The following SMIM36 variants were observed in gnomAD, a reference collection of about 807,000 sequenced individuals.
SMIM36 encodes the protein small integral membrane protein 36.
chr17:55,499,889 A>G (rs529158915), intron 1 of SMIM36, among the ~76,000 whole-genome samples: 5 of 151,800 alleles, frequency 3.3e-5, no homozygotes, highest in African/African-American at 9.7e-5. Context: ...AGCTATATTT[A>G]AAAATAAGAC....
Position 55,466,283 on chromosome 17 carries a change from A to C in SMIM36, c.*531+862T>G, listed in dbSNP as rs796610368. On this transcript the variant is annotated intron_variant, in intron 4 of 4. Transcript: ENST00000636752. ...CAAGATCAAGACTCCGTCTCAAAAA[A>C]AAAAAAAAAAAAAAAAAAAGAAAGT... 1.0e-3 allele frequency among the ~76,000 whole-genome samples: 147 copies of C among 145,148 alleles called. 1 individual carries two copies. The highest frequency in any genetic ancestry group is 3.9e-3 in the African/African-American group (140 of 35,964).
At chr17:55,491,212 C>T (rs529594928) in intron 1 of SMIM36, among the ~76,000 whole-genome samples, 11 of 132,220 alleles carry the variant, frequency 8.3e-5, no homozygotes, top group African/African-American at 1.5e-4. Flanking sequence ...ATTGCACTTT[C>T]GCTTAGGTGA....
chr17:55,496,949 C>G (rs1165691930), intron 1 of SMIM36, among the ~76,000 whole-genome samples: 1 of 152,158 alleles, frequency 6.6e-6, no homozygotes, highest in African/African-American at 2.4e-5. Context: ...AACGGTTCCT[C>G]CTCTTACAAA....
intron 1 of SMIM36, among the ~76,000 whole-genome samples, chr17:55,496,034 C>T (rs1239207214): frequency 6.6e-6 from 1 of 152,108 alleles, no homozygotes; most frequent in African/African-American, 2.4e-5. Flanking sequence ...CTCCAAAATT[C>T]TATAATCATT....
the SMIM36 span, among the ~76,000 whole-genome samples, chr17:55,530,777 C>T: frequency 6.9e-5 from 10 of 145,596 alleles, no homozygotes; most frequent in African/African-American, 2.2e-4. Flanking sequence ...AGCTAGACTC[C>T]GCCTCAAAAA....
At chr17:55,521,290 AG>A in the SMIM36 span, among the ~76,000 whole-genome samples, 1 of 152,256 alleles carries the variant, frequency 6.6e-6, no homozygotes, top group South Asian at 2.1e-4. Flanking sequence ...AGAGTTTTGT[AG>A]CTTGCTTTTG....
chr17:55,462,472 G>A (rs1195280104), intron 4 of SMIM36, among the ~76,000 whole-genome samples: 2 of 152,136 alleles, frequency 1.3e-5, no homozygotes, highest in Non-Finnish European at 2.9e-5. Context: ...TTAGCCAGGT[G>A]GCATGTGCCT....
Position 55,481,040 on chromosome 17 carries a change from TTCTC to T in SMIM36, c.*175-1464_*175-1461del, listed in dbSNP as rs566709022. ...CACATACATATATACATTCTCTTTA[TTCTC>T]TCTCTCTGTCTCTTTCTGTCTCTGT... On this transcript the variant is annotated intron_variant, in intron 1 of 4. Coordinates refer to ENST00000636752, the Ensembl canonical transcript of SMIM36. 4.2e-3 allele frequency among the ~76,000 whole-genome samples: 640 copies of T among 152,134 alleles called. 16 individuals are homozygous for T. Among genetic ancestry groups the T allele is most frequent in the Admixed American group, 0.04 (604 of 15,248 alleles).
chr17:55,462,353 G>A (rs1909160690), intron 4 of SMIM36, among the ~76,000 whole-genome samples: 1 of 152,198 alleles, frequency 6.6e-6, no homozygotes. Context: ...GCTTATGCCT[G>A]TAATCTCAGC....
chr17:55,477,394 A>G (rs1909442708), intron 3 of SMIM36, among the ~76,000 whole-genome samples: 1 of 152,122 alleles, frequency 6.6e-6, no homozygotes, highest in African/African-American at 2.4e-5. Context: ...GCATCATTCC[A>G]GACACATGGC....
chr17:55,499,270 T>C (rs1272830382), intron 1 of SMIM36, among the ~76,000 whole-genome samples: 1 of 152,136 alleles, frequency 6.6e-6, no homozygotes, highest in South Asian at 2.1e-4. Context: ...TTCCTAGGCA[T>C]GCAATTCTAG....
chr17:55,488,594 A>G (rs1453513386), intron 1 of SMIM36, among the ~76,000 whole-genome samples: 1 of 152,326 alleles, frequency 6.6e-6, no homozygotes, highest in African/African-American at 2.4e-5. Context: ...GCCTATTACA[A>G]TATCAGTATA....
At chr17:55,460,880 C>A (rs924097959) in intron 4 of SMIM36, among the ~76,000 whole-genome samples, 118 of 151,888 alleles carry the variant, frequency 7.8e-4, no homozygotes, top group African/African-American at 2.4e-4. Flanking sequence ...ACAAAAAAAA[C>A]CATAAATACA....
the SMIM36 span, among the ~76,000 whole-genome samples, chr17:55,531,488 GC>G: frequency 5.3e-5 from 8 of 152,000 alleles, no homozygotes; most frequent in Non-Finnish European, 1.5e-5. Context: ...TCCTACTGTG[GC>G]CCTACCCCCT....
the SMIM36 span, among the ~76,000 whole-genome samples, chr17:55,523,865 T>C: frequency 1.3e-5 from 2 of 152,214 alleles, no homozygotes; most frequent in African/African-American, 2.4e-5. Context: ...TTTCAAGTTT[T>C]GAGGATAACA....
chr17:55,482,213 G>A (rs575535563), intron 1 of SMIM36, among the ~76,000 whole-genome samples: 3 of 152,256 alleles, frequency 2.0e-5, no homozygotes, highest in East Asian at 1.9e-4. Flanking sequence ...GAAAGAACTC[G>A]TTGGTTGCCA....
chr17:55,500,592 C>A (rs989767174), intron 1 of SMIM36, among the ~76,000 whole-genome samples: 5 of 151,060 alleles, frequency 3.3e-5, no homozygotes, highest in Non-Finnish European at 5.9e-5. Flanking sequence ...TATTCCAACA[C>A]TCTCTTTAGA....
chr17:55,528,545 CTTT>C, the SMIM36 span, among the ~76,000 whole-genome samples: 1 of 148,730 alleles, frequency 6.7e-6, no homozygotes, highest in Admixed American at 6.7e-5. Context: ...CTTTTTTTTT[CTTT>C]TCTTTTCTTT....
the SMIM36 span, among the ~76,000 whole-genome samples, chr17:55,529,371 C>T: frequency 5.9e-5 from 9 of 152,224 alleles, no homozygotes; most frequent in African/African-American, 1.9e-4. Context: ...GCCTGTAATC[C>T]CAACACTTTG....
Sources: allele counts gnomAD v4.1 joint callset (sites outside exome capture counted in the v4.1 genomes callset), GRCh38; gene constraint gnomAD v4.1.1; transcripts MANE v1.5; gene names NCBI Gene and HGNC (gene_info 2026-07-23, HGNC 2026-07-21).